MYBPC1: variants seen among roughly 807,000 people sequenced by gnomAD.
MYBPC1 encodes the protein myosin-binding protein C, slow-type.
Under a neutral mutation model 147.1 loss-of-function variants are expected in MYBPC1, and 52 were observed. That is an observed-to-expected ratio of 0.35 (90% CI 0.28 to 0.45). MYBPC1 has a LOEUF of 0.45. Ranked by LOEUF, MYBPC1 falls within the 20% of genes least tolerant of loss-of-function variation. The pLI is 1.00. For missense variants in MYBPC1, 1,228 were observed against 1,440.3 expected, an observed-to-expected ratio of 0.85 and a Z score of 2.39; for synonymous variants, 477 against 475.9, an observed-to-expected ratio of 1.00 and a Z score of -0.03.
At chr12:101,675,548 G>T in intron 26 of MYBPC1, 117 bp downstream of exon 26, 1 of 1,463,826 alleles carries the variant, frequency 6.8e-7, no homozygotes, top group African/African-American at 1.4e-5. Flanking sequence ...GAGAAGTGAT[G>T]TGGCAGAGCA....
At chr12:101,670,096 A>T (rs1445061875) in intron 23 of MYBPC1, 7 of 597,554 alleles carry the variant, frequency 1.2e-5, no homozygotes, top group Non-Finnish European at 2.1e-5. Context: ...TGCTGAGTCA[A>T]ACTGTTAAAA....
At chr12:101,693,032 C>T in the MYBPC1 span, among the ~76,000 whole-genome samples, 334 of 149,976 alleles carry the variant, frequency 2.2e-3, no homozygotes, top group African/African-American at 8.0e-3. Flanking sequence ...CTGCCACCTC[C>T]GCCTCCCAGG....
chr12:101,614,691 A>G (rs977669314), intron 2 of MYBPC1, 160 bp downstream of exon 2: 10 of 728,774 alleles, frequency 1.4e-5, no homozygotes, highest in Admixed American at 8.5e-5. Flanking sequence ...AATAATAAAA[A>G]TAATACACTG....
At position 101,631,284 on chromosome 12, in the gene MYBPC1, T is replaced by C. The variant is rs3864930; in HGVS notation, c.290-287T>C. On this transcript the variant is annotated intron_variant, in intron 6 of 31. Transcript: ENST00000361466. ...ACATATCCATATATGTCCATATATATGAAATAAAAAATTACCCAAATGTAA... is the reference window on the plus strand; with the variant it reads ...ACATATCCATATATGTCCATATATACGAAATAAAAAATTACCCAAATGTAA... Among the ~76,000 whole-genome samples the C allele has an allele frequency of 5.0e-3, 763 of 152,278 alleles. 2 individuals carry two copies. The highest frequency in any genetic ancestry group is 0.015 in the African/African-American group (629 of 41,554).
At chr12:101,650,038 T>C (rs1324025748) in intron 15 of MYBPC1, among the ~76,000 whole-genome samples, 1 of 152,260 alleles carries the variant, frequency 6.6e-6, no homozygotes, top group African/African-American at 2.4e-5. Context: ...TTGCAGTTCA[T>C]ATAATCATTG....
At chr12:101,633,689 C>CA (rs757570762) in intron 8 of MYBPC1, among the ~76,000 whole-genome samples, 4,936 of 123,860 alleles carry the variant, frequency 0.04, 270 homozygotes, top group East Asian at 0.28. Context: ...TCCGTCTCAA[C>CA]AAAAAAAAAA....
chr12:101,605,437 T>A (rs182439058), intron 1 of MYBPC1, among the ~76,000 whole-genome samples: 9 of 152,348 alleles, frequency 5.9e-5, no homozygotes, highest in Admixed American at 5.2e-4. Flanking sequence ...CAGATCCCTT[T>A]GCACCCTTAA....
intron 11 of MYBPC1, among the ~76,000 whole-genome samples, chr12:101,644,064 C>T (rs1013221096): frequency 6.6e-6 from 1 of 151,970 alleles, no homozygotes; most frequent in Non-Finnish European, 1.5e-5. Flanking sequence ...AAACAGGGTC[C>T]CATTCTGTCA....
At position 101,675,303 on chromosome 12, in the gene MYBPC1, C is replaced by G. The variant is rs1312174595; in HGVS notation, c.2821C>G (p.Pro941Ala). Residue 941 changes from proline to alanine, a missense_variant, in exon 26 of 32, where the codon CCA becomes GCA. By Grantham distance (27) the Pro-to-Ala change is conservative (BLOSUM62 -1). Around this residue, in one of 2 missense-constraint regions of MYBPC1, gnomAD observed 1,077 missense variants for 1,314.2 expected, o/e 0.82. Transcript: ENST00000361466. ...AATTCATCCTGTAGACCGTCCAGGT[C>G]CACCCCAAATTGTGAAGATTGAGGA... is the stretch of plus-strand genomic sequence containing the variant. The part of the protein sequence containing the change: ...IDIQIIDRPG[P>A]PQIVKIEDVW... 1 of 1,614,070 alleles carries G rather than the reference C, an allele frequency of 6.2e-7. No homozygotes were observed. Among genetic ancestry groups the G allele is most frequent in the Admixed American group, 1.7e-5 (1 of 59,998 alleles).
At chr12:101,628,608 T>C (rs1889168376) in intron 5 of MYBPC1, among the ~76,000 whole-genome samples, 1 of 152,160 alleles carries the variant, frequency 6.6e-6, no homozygotes, top group Non-Finnish European at 1.5e-5. Context: ...AGTTACTAAA[T>C]GGCTGAACCT....
intron 29 of MYBPC1, 110 bp downstream of exon 29, chr12:101,680,639 G>A (rs1447662204): frequency 6.2e-6 from 8 of 1,298,182 alleles, no homozygotes; most frequent in Non-Finnish European, 8.7e-6. Context: ...ATGCTGCAGC[G>A]AGGGTGGGAG....
intron 9 of MYBPC1, among the ~76,000 whole-genome samples, chr12:101,635,842 T>A (rs1288859059): frequency 6.6e-6 from 1 of 152,160 alleles, no homozygotes; most frequent in African/African-American, 2.4e-5. Context: ...GAAACAAAAC[T>A]TCCTTAAAAA....
rs544041524 is a variant in MYBPC1, at chr12:101,628,426, G to A, written c.178+622G>A. On this transcript the variant is annotated intron_variant, in intron 5 of 31. Coordinates refer to ENST00000361466, the MANE Select transcript of MYBPC1 (RefSeq NM_002465.4). ...AATATGTAATCACATGACTATGATT[G>A]TCACATAATTGTGAAAATGTTTAAC... 5.3e-5 allele frequency among the ~76,000 whole-genome samples: 8 copies of A among 152,294 alleles called. No individual in the cohort carries two copies. The South Asian group carries it at 1.7e-3, about 32-fold the overall frequency.
chr12:101,667,941 G>C (rs1212633702), intron 23 of MYBPC1, 42 bp downstream of exon 23: 7 of 1,597,260 alleles, frequency 4.4e-6, no homozygotes. Flanking sequence ...CATTTTACAT[G>C]GTTCACTTTT....
chr12:101,659,901 C>T lies in MYBPC1; in HGVS notation c.1927+70C>T, dbSNP rs116292056. The T allele has an allele frequency of 9.2e-4, 1,438 of 1,559,322 alleles. 15 individuals carry two copies. In the African/African-American group the frequency reaches 0.016, roughly 17 times the overall value. On this transcript the variant is annotated intron_variant, in intron 19 of 31. Transcript: ENST00000361466. The stretch of plus-strand genomic sequence containing the variant: ...TCAAGATTCAGAGTAGACTTTCCTT[C>T]TTTGTCCTTTCCTTCCATTTCCTTC...
chr12:101,636,711 T>G lies in MYBPC1; in HGVS notation c.648T>G (p.Ser216Arg). ...GQEDAGELDF[S>R]GLLKRREVKQ... is the part of the protein sequence containing the mutation. ...AGGATGCAGGAGAACTTGACTTTAGTGGTCTCCTGAAACGTAGGTGAGAAC... is the reference window on the plus strand; with the variant it reads ...AGGATGCAGGAGAACTTGACTTTAGGGGTCTCCTGAAACGTAGGTGAGAAC... Residue 216 changes from serine (S) to arginine (R), a missense_variant, in exon 10 of 32, where the codon AGT (serine) becomes AGG (arginine). Physicochemically the swap from Ser to Arg is moderately radical, Grantham distance 110. Coordinates refer to ENST00000361466, the MANE Select transcript of MYBPC1 (RefSeq NM_002465.4). The G allele has an allele frequency of 6.2e-7, 1 of 1,613,688 alleles. No homozygotes were observed. The highest frequency in any genetic ancestry group is 8.5e-7 in the Non-Finnish European group (1 of 1,179,606).
rs1387894339 is a variant in MYBPC1 at position 101,680,287 on chromosome 12, T to C, written c.3247-56T>C. 8 of 1,527,380 alleles carry C rather than the reference T, an allele frequency of 5.2e-6. No homozygotes were observed. The African/African-American group carries it at 9.6e-5, about 18-fold the overall frequency. 94.6% of individuals were successfully genotyped at this position (1,527,380 alleles called of 1,614,324 possible). A position where few individuals can be genotyped will look rare whatever the true frequency, so the allele number is the denominator to read the frequency against. ...TTCTGTCACTGGCTTTGATGGTCTA[T>C]TAATATGCCAATTACAGATATGTTT... is the stretch of plus-strand genomic sequence containing the variant. On this transcript the variant is annotated intron_variant, in intron 28 of 31. Coordinates refer to ENST00000361466, the MANE Select transcript of MYBPC1 (RefSeq NM_002465.4).
chr12:101,648,767 G>A (rs764000578), intron 14 of MYBPC1, among the ~76,000 whole-genome samples: 3 of 152,136 alleles, frequency 2.0e-5, no homozygotes, highest in Non-Finnish European at 2.9e-5. Context: ...CTCAGGTGGG[G>A]AATGTTTTCT....
At chr12:101,638,795 C>T (rs776436944) in intron 10 of MYBPC1, among the ~76,000 whole-genome samples, 1 of 152,086 alleles carries the variant, frequency 6.6e-6, no homozygotes, top group Non-Finnish European at 1.5e-5. Flanking sequence ...GCCAACATGT[C>T]TCCAGTTCTC....
Sources: allele counts gnomAD v4.1 joint callset (sites outside exome capture counted in the v4.1 genomes callset), GRCh38; gene constraint gnomAD v4.1.1; regional missense constraint gnomAD v4.1.1; transcripts MANE v1.5; gene names NCBI Gene and HGNC (gene_info 2026-07-23, HGNC 2026-07-21).